The following ABCA4 variants were observed in gnomAD, a reference collection of about 807,000 sequenced individuals.
ABCA4 encodes the protein retinal-specific phospholipid-transporting ATPase ABCA4.
ABCA4 carries 196 observed loss-of-function variants against 263.7 expected under a neutral mutation model. The ratio of observed to expected loss-of-function variants is 0.74; its 90% CI spans 0.66 to 0.84. ABCA4 has a LOEUF of 0.84. Ranked by LOEUF, ABCA4 falls within the 40% of genes least tolerant of loss-of-function variation. The pLI is 0.00. For missense variants in ABCA4, 2,792 were observed against 2,855.1 expected (o/e 0.98, Z 0.50); for synonymous variants, 1,133 against 1,094.2 (o/e 1.04, Z -0.70).
At chr1:94,072,082 C>T (rs1661416210) in intron 11 of ABCA4, among the ~76,000 whole-genome samples, 1 of 152,088 alleles carries the variant, frequency 6.6e-6, no homozygotes, top group African/African-American at 2.4e-5. Context: ...AAATACATTC[C>T]CTGCGTACAT....
intron 48 of ABCA4, among the ~76,000 whole-genome samples, chr1:93,996,736 A>G (rs1659015244): frequency 6.6e-6 from 1 of 152,256 alleles, no homozygotes; most frequent in Non-Finnish European, 1.5e-5. Flanking sequence ...CCAAATGTCT[A>G]TCAATGAATG....
At chr1:94,018,239 C>T (rs1314785334) in intron 36 of ABCA4, among the ~76,000 whole-genome samples, 2 of 152,216 alleles carry the variant, frequency 1.3e-5, no homozygotes, top group African/African-American at 4.8e-5. Flanking sequence ...GGGCCAGCCC[C>T]AAGTGTGTAA....
chr1:94,062,379 C>T (rs1362983816), intron 13 of ABCA4, among the ~76,000 whole-genome samples, 198 bp downstream of exon 13: 1 of 152,138 alleles, frequency 6.6e-6, no homozygotes, highest in Non-Finnish European at 1.5e-5. Context: ...CCCACCACTG[C>T]ACTGACTCAT....
chr1:94,057,714 G>T (rs1214793701), intron 14 of ABCA4, among the ~76,000 whole-genome samples: 3 of 152,192 alleles, frequency 2.0e-5, no homozygotes. Context: ...AATCACTTTG[G>T]CTATGTAGAA....
intron 1 of ABCA4, among the ~76,000 whole-genome samples, chr1:94,118,166 G>A (rs1209611993): frequency 6.6e-6 from 1 of 152,154 alleles, no homozygotes; most frequent in African/African-American, 2.4e-5. Flanking sequence ...ATCAGTACCG[G>A]GGGGATCACA....
intron 24 of ABCA4, among the ~76,000 whole-genome samples, chr1:94,037,626 C>A (rs529986941): frequency 7.2e-5 from 11 of 152,240 alleles, no homozygotes; most frequent in Non-Finnish European, 1.2e-4. Flanking sequence ...GGGGGTCATG[C>A]AACTTTCCTG....
intron 49 of ABCA4, among the ~76,000 whole-genome samples, chr1:93,994,044 A>G (rs1041084282): frequency 6.6e-6 from 1 of 152,182 alleles, no homozygotes; most frequent in Non-Finnish European, 1.5e-5. Flanking sequence ...GAGGATCCCC[A>G]TCAAGGCTGA....
chr1:93,993,969 A>G (rs1227469400), intron 49 of ABCA4, among the ~76,000 whole-genome samples: 6 of 152,168 alleles, frequency 3.9e-5, no homozygotes. Context: ...ATTTAAAATC[A>G]CACATCCTCT....
intron 3 of ABCA4, among the ~76,000 whole-genome samples, chr1:94,111,026 C>T (rs935231579): frequency 1.3e-5 from 2 of 152,202 alleles, no homozygotes; most frequent in African/African-American, 4.8e-5. Flanking sequence ...TTTCCTAGCC[C>T]TTAGATGTCC....
intron 8 of ABCA4, among the ~76,000 whole-genome samples, chr1:94,080,015 G>T (rs1261294557): frequency 6.6e-6 from 1 of 151,808 alleles, no homozygotes. Context: ...AATAGTGAAA[G>T]GTGGGGAAGA....
At chr1:94,024,926 T>A in intron 31 of ABCA4, 28 bp downstream of exon 31, 1 of 1,573,220 alleles carries the variant, frequency 6.4e-7, no homozygotes, top group Non-Finnish European at 8.8e-7. Flanking sequence ...GGAGCCAGGA[T>A]AAAAAGCATA....
In ABCA4 at chr1:94,055,301, C is replaced by T. The variant is rs778503467; in HGVS notation, c.2397G>A (p.Pro799=). 1.1e-5 allele frequency: 17 copies of T among 1,614,038 alleles called. No homozygotes were observed. The highest frequency in any genetic ancestry group is 3.3e-5 in the Admixed American group (2 of 60,014). ...ELKKAVSLLS[P]VAFGFGTEYL... ...ACTCAGTGCCAAATCCAAATGCCAC[C>T]GGAGACAGTAAGCTCTGCAGTGAGG... Residue 799 remains proline (P), a synonymous_variant, in exon 16 of 50, where the codon CCG becomes CCA. Coordinates refer to ENST00000370225, the MANE Select transcript of ABCA4 (RefSeq NM_000350.3).
intron 44 of ABCA4, among the ~76,000 whole-genome samples, chr1:94,003,393 G>T (rs1659248268): frequency 6.7e-6 from 1 of 148,944 alleles, no homozygotes; most frequent in Non-Finnish European, 1.5e-5. Flanking sequence ...TTTGGAGCTT[G>T]TCAGATGTTT....
At chr1:94,046,447 T>TAGAAAGAC (rs1557780296) in intron 19 of ABCA4, among the ~76,000 whole-genome samples, 1 of 123,300 alleles carries the variant, frequency 8.1e-6, no homozygotes. Context: ...GGGTAATGGT[T>TAGAAAGAC]ACTATCTCAA....
At chr1:94,112,926 G>T in intron 2 of ABCA4, 47 bp downstream of exon 2, 1 of 1,488,650 alleles carries the variant, frequency 6.7e-7, no homozygotes, top group Non-Finnish European at 9.4e-7. Context: ...AAAAGGCCCA[G>T]ACCAAAGTCT....
chr1:93,996,029 C>A, intron 49 of ABCA4, 80 bp downstream of exon 49: 1 of 1,339,404 alleles, frequency 7.5e-7, no homozygotes. Context: ...AGCCTTGGAG[C>A]AACTCAAGCC....
intron 28 of ABCA4, 114 bp from the exon 29 acceptor site, chr1:94,030,640 T>G: frequency 9.4e-7 from 1 of 1,064,042 alleles, no homozygotes; most frequent in Non-Finnish European, 1.4e-6. Flanking sequence ...AGGCACCGAA[T>G]GCTGCCTTGG....
intron 28 of ABCA4, among the ~76,000 whole-genome samples, 153 bp downstream of exon 28, chr1:94,030,843 A>T (rs1294682120): frequency 6.6e-6 from 1 of 152,104 alleles, no homozygotes; most frequent in Non-Finnish European, 1.5e-5. Context: ...TGGCAGATAC[A>T]TTAAGTTCCT....
intron 44 of ABCA4, among the ~76,000 whole-genome samples, chr1:94,003,374 T>C (rs1659247929): frequency 6.6e-6 from 1 of 151,752 alleles, no homozygotes; most frequent in African/African-American, 2.4e-5. Context: ...TTTTAAGGAA[T>C]ATTCCTTCTT....
Sources: gnomAD v4.1 joint callset for allele counts (sites outside exome capture counted in the v4.1 genomes callset) on GRCh38, gnomAD v4.1.1 for gene constraint, MANE v1.5 for transcripts, NCBI Gene and HGNC (gene_info 2026-07-23, HGNC 2026-07-21) for gene names.